SV2C: variants seen among roughly 807,000 people sequenced by gnomAD.
SV2C encodes synaptic vesicle glycoprotein 2C.
In SV2C, 49 loss-of-function variants were observed where a neutral mutation model predicts 79.7. The observed-to-expected ratio is 0.61, with a 90% CI of 0.49 to 0.78. The LOEUF (loss-of-function observed/expected upper bound fraction) is 0.78, where lower values mean the gene tolerates loss of function less well. Among genes scored for constraint, SV2C ranks in the 30% least tolerant of loss-of-function variants. The pLI is 0.00. For synonymous variants in SV2C, 334 were observed against 333.2 expected, an observed-to-expected ratio of 1.00 and a Z score of -0.03; for missense variants, 833 against 912.9, an observed-to-expected ratio of 0.91 and a Z score of 1.13.
the SV2C span, among the ~76,000 whole-genome samples, chr5:75,953,641 G>C: frequency 3.5e-3 from 535 of 151,984 alleles, 5 homozygotes; most frequent in Non-Finnish European, 5.3e-3. Context: ...GCTAGAAGTG[G>C]CAGAGTGGAC....
chr5:75,944,383 G>T, the SV2C span, among the ~76,000 whole-genome samples: 100 of 152,084 alleles, frequency 6.6e-4, no homozygotes, highest in African/African-American at 2.3e-3. Context: ...ATGCATGTTA[G>T]CAAGCTAATT....
chr5:76,228,964 C>A (rs755866106), intron 4 of SV2C, among the ~76,000 whole-genome samples: 6 of 152,134 alleles, frequency 3.9e-5, no homozygotes, highest in Non-Finnish European at 7.4e-5. Context: ...TGGGCTGACA[C>A]CCAAGAAGCC....
At chr5:76,278,193 A>C (rs571820404) in intron 4 of SV2C, among the ~76,000 whole-genome samples, 10 of 151,796 alleles carry the variant, frequency 6.6e-5, no homozygotes, top group African/African-American at 2.4e-4. Context: ...TGTGTGTTCA[A>C]CAAACATTAA....
chr5:76,106,802 G>A (rs1016017600), intron 1 of SV2C, among the ~76,000 whole-genome samples: 12 of 151,964 alleles, frequency 7.9e-5, no homozygotes, highest in African/African-American at 2.7e-4. Context: ...AATCCCCCTT[G>A]CCTTACTCTT....
At chr5:76,167,164 C>T (rs1743070772) in intron 2 of SV2C, among the ~76,000 whole-genome samples, 1 of 152,208 alleles carries the variant, frequency 6.6e-6, no homozygotes, top group Non-Finnish European at 1.5e-5. Flanking sequence ...TAACACTGAC[C>T]TAGCAGGCAC....
At chr5:76,232,760 A>G (rs1460777896) in intron 4 of SV2C, among the ~76,000 whole-genome samples, 23 of 139,648 alleles carry the variant, frequency 1.6e-4, no homozygotes, top group East Asian at 4.1e-4. Flanking sequence ...GATATGCGGC[A>G]TTATTTCTGA....
the SV2C span, among the ~76,000 whole-genome samples, chr5:75,895,640 A>G: frequency 6.6e-6 from 1 of 152,072 alleles, no homozygotes; most frequent in Non-Finnish European, 1.5e-5. Context: ...CTCAGACTTC[A>G]TGGTTTCCAA....
At chr5:76,214,014 G>C (rs1056322024) in intron 4 of SV2C, among the ~76,000 whole-genome samples, 1 of 152,022 alleles carries the variant, frequency 6.6e-6, no homozygotes, top group Non-Finnish European at 1.5e-5. Context: ...TGCCTTCCAG[G>C]TTCATTCATG....
intron 8 of SV2C, 114 bp downstream of exon 8, chr5:76,291,970 GA>G (rs1747582120): frequency 2.8e-6 from 2 of 714,376 alleles, no homozygotes; most frequent in Admixed American, 3.2e-5. Flanking sequence ...TGCTAAGGAA[GA>G]AATTTTTTTC....
chr5:76,321,101 A>G (rs1022145570), intron 12 of SV2C, among the ~76,000 whole-genome samples: 2 of 152,204 alleles, frequency 1.3e-5, no homozygotes, highest in Admixed American at 1.3e-4. Flanking sequence ...TGGTTGGATA[A>G]TAACCACAAT....
At chr5:76,335,414 CTTTT>C (rs869230352), downstream of SV2C, among the ~76,000 whole-genome samples, 21 of 98,126 alleles carry the variant, frequency 2.1e-4, no homozygotes, top group African/African-American at 7.6e-4. Flanking sequence ...ACACATTTTC[CTTTT>C]TTTTTTTTTT....
At chr5:76,040,206 A>G in the SV2C span, among the ~76,000 whole-genome samples, 2 of 152,366 alleles carry the variant, frequency 1.3e-5, no homozygotes, top group East Asian at 3.9e-4. Flanking sequence ...TAAGGAACAC[A>G]GAAGATAATT....
chr5:76,163,065 A>G (rs1424713619), intron 2 of SV2C, among the ~76,000 whole-genome samples: 1 of 152,212 alleles, frequency 6.6e-6, no homozygotes, highest in Non-Finnish European at 1.5e-5. Flanking sequence ...CCAAACAGGT[A>G]TAAAAATTCA....
At chr5:75,898,105 G>T in the SV2C span, among the ~76,000 whole-genome samples, 1 of 152,118 alleles carries the variant, frequency 6.6e-6, no homozygotes, top group African/African-American at 2.4e-5. Context: ...CCAACACTAT[G>T]TTGAATAGGA....
At chr5:75,947,875 T>G in the SV2C span, among the ~76,000 whole-genome samples, 1 of 151,734 alleles carries the variant, frequency 6.6e-6, no homozygotes, top group African/African-American at 2.4e-5. Context: ...TCCTAAATTA[T>G]GATTTTTCTG....
At chr5:75,970,881 T>C in the SV2C span, among the ~76,000 whole-genome samples, 1 of 152,118 alleles carries the variant, frequency 6.6e-6, no homozygotes, top group African/African-American at 2.4e-5. Flanking sequence ...AAAAAGAGAA[T>C]TTTAGACCAA....
chr5:75,921,659 C>T, the SV2C span: 2 of 692,552 alleles, frequency 2.9e-6, no homozygotes, highest in Non-Finnish European at 5.2e-6. Context: ...AATGCGGGGG[C>T]CCCCTTTTAT....
the SV2C span, among the ~76,000 whole-genome samples, chr5:75,942,103 G>A: frequency 6.6e-6 from 1 of 152,196 alleles, no homozygotes; most frequent in Non-Finnish European, 1.5e-5. Context: ...ATGAACACAT[G>A]GAGGTTTGCA....
intron 2 of SV2C, among the ~76,000 whole-genome samples, chr5:76,164,435 A>G: frequency 6.6e-6 from 1 of 152,340 alleles, no homozygotes; most frequent in East Asian, 1.9e-4. Flanking sequence ...TAGTAGATCT[A>G]TGTGGTGGAA....
Sources: allele counts gnomAD v4.1 joint callset (sites outside exome capture counted in the v4.1 genomes callset), GRCh38; gene constraint gnomAD v4.1.1; transcripts MANE v1.5; gene names NCBI Gene and HGNC (gene_info 2026-07-23, HGNC 2026-07-21).